The following CST3 variants were observed in gnomAD, a reference collection of about 807,000 sequenced individuals.
CST3 encodes cystatin C.
A neutral mutation model predicts 9.0 loss-of-function variants in CST3; 14 were observed. That is an observed-to-expected ratio of 1.56 (90% CI 1.03 to 2.44). The LOEUF is 2.44. Ranked by LOEUF, CST3 falls within the 30% of genes most tolerant of loss-of-function variation. The pLI is 0.00. For missense variants in CST3, 237 were observed against 204.3 expected, an observed-to-expected ratio of 1.16 and a Z score of -0.98; for synonymous variants, 96 against 90.2, an observed-to-expected ratio of 1.06 and a Z score of -0.37.
Position 23,633,898 on chromosome 20 carries a change from C to A in CST3, c.*18G>T. The A allele has an allele frequency of 6.2e-7, 1 of 1,610,718 alleles. No homozygotes were observed. The highest frequency in any genetic ancestry group is 8.5e-7 in the Non-Finnish European group (1 of 1,176,968). On this transcript the variant is annotated 3_prime_UTR_variant, in exon 3 of 3. Transcript: ENST00000376925. Reference sequence around the variant, plus strand: ...GTGCATAAGAGGTGATAGGCACAGGCCAGCCCGGTACAGACCCCTAGGCGT... The same window carrying A: ...GTGCATAAGAGGTGATAGGCACAGGACAGCCCGGTACAGACCCCTAGGCGT...
At chr20:23,635,205 CA>C (rs762991323) in intron 2 of CST3, 48 bp downstream of exon 2, 14 of 1,460,586 alleles carry the variant, frequency 9.6e-6, no homozygotes, top group Admixed American at 1.7e-5. Flanking sequence ...CACACACACA[CA>C]CCCCTCTGCA....
chr20:23,634,831 C>T (rs1979596304), intron 2 of CST3, among the ~76,000 whole-genome samples: 1 of 152,086 alleles, frequency 6.6e-6, no homozygotes, highest in South Asian at 2.1e-4. Flanking sequence ...TAACCTTCAC[C>T]CATACGGATC....
At chr20:23,634,810 T>G (rs941328456) in intron 2 of CST3, among the ~76,000 whole-genome samples, 4 of 152,048 alleles carry the variant, frequency 2.6e-5, no homozygotes, top group Non-Finnish European at 5.9e-5. Context: ...GGCATCTACA[T>G]GAACTCACCC....
At position 23,633,902 on chromosome 20, in the gene CST3, C is replaced by G; in HGVS notation, c.*14G>C. ...ATAAGAGGTGATAGGCACAGGCCAG[C>G]CCGGTACAGACCCCTAGGCGTCCTG... On this transcript the variant is annotated 3_prime_UTR_variant, in exon 3 of 3. Transcript: ENST00000376925. 1 of 1,611,912 alleles carries G rather than the reference C, an allele frequency of 6.2e-7. No homozygotes were observed. The highest frequency in any genetic ancestry group is 8.5e-7 in the Non-Finnish European group (1 of 1,178,036).
In CST3 at chr20:23,637,739, C is replaced by A. The variant is rs1366729949; in HGVS notation, c.124G>T (p.Ala42Ser). Residue 42 changes from alanine to serine, a missense_variant, in exon 1 of 3, where the codon GCC becomes TCC. Ala to Ser is a moderately conservative substitution (Grantham distance 99, BLOSUM62 1). Coordinates refer to ENST00000376925, the MANE Select transcript of CST3 (RefSeq NM_000099.4). ...PPRLVGGPMDASVEEEGVRRA... is the reference protein window; with the variant it reads ...PPRLVGGPMDSSVEEEGVRRA... The stretch of plus-strand genomic sequence containing the variant: ...CGCACACCCTCCTCCTCCACGCTGG[C>A]GTCCATGGGGCCTCCCACTAGGCGC... The A allele has an allele frequency of 6.5e-7, 1 of 1,540,194 alleles. No homozygotes were observed.
rs1214550838 is a variant in CST3 at position 23,633,850 on chromosome 20, T to C, written c.*66A>G. 5.9e-6 allele frequency: 8 copies of C among 1,355,702 alleles called. No individual in the cohort carries two copies. In the African/African-American group the frequency reaches 1.0e-4, roughly 17 times the overall value. 84.0% of individuals were successfully genotyped at this position (1,355,702 alleles called of 1,614,324 possible). A position where few individuals can be genotyped will look rare whatever the true frequency, so the allele number is the denominator to read the frequency against. ...AAGGCAGGGGCCACCAGTCCAGGGG[T>C]GGGAATACAGGGGGTGGGAGGTGTG... On this transcript the variant is annotated 3_prime_UTR_variant, in exon 3 of 3. Transcript: ENST00000376925.
At chr20:23,634,035 T>A in intron 2 of CST3, 36 bp from the exon 3 acceptor site, 1 of 1,572,894 alleles carries the variant, frequency 6.4e-7, no homozygotes, top group Non-Finnish European at 8.7e-7. Flanking sequence ...TCAGTGTGGG[T>A]TACAGTTCAA....
exon 4 of CST3, chr20:23,627,830 G>A (rs759013688): frequency 2.0e-5 from 3 of 151,992 alleles, no homozygotes; most frequent in South Asian, 2.1e-4. Context: ...TTGGAAAAAC[G>A]TTTATTCAAA....
chr20:23,637,866 C>T lies in CST3; in HGVS notation c.-4G>A, dbSNP rs1031902914. 124 of 1,353,266 alleles carry T rather than the reference C, an allele frequency of 9.2e-5. No homozygotes were observed. In the Admixed American group the frequency reaches 1.3e-3, roughly 14 times the overall value. 83.8% of individuals were successfully genotyped at this position (1,353,266 alleles called of 1,614,324 possible). A position where few individuals can be genotyped will look rare whatever the true frequency, so the allele number is the denominator to read the frequency against. The stretch of plus-strand genomic sequence containing the variant: ...GGGCGCGCAGGGGCCCGGCCATGGT[C>T]GGCTAGGACGCGGGACGCGGGGAGT... On this transcript the variant is annotated 5_prime_UTR_variant, in exon 1 of 3. Coordinates refer to ENST00000376925, the MANE Select transcript of CST3 (RefSeq NM_000099.4).
In CST3 at chr20:23,633,870, G is replaced by T; in HGVS notation, c.*46C>A. 1 of 1,476,950 alleles carries T rather than the reference G, an allele frequency of 6.8e-7. No homozygotes were observed. Among genetic ancestry groups the T allele is most frequent in the Non-Finnish European group, 9.5e-7 (1 of 1,055,486 alleles). The allele number at this position is 1,476,950 out of a possible 1,614,324, so 91.5% of individuals were successfully genotyped here. Reference sequence around the variant, plus strand: ...AGGGGTGGGAATACAGGGGGTGGGAGGTGTGCATAAGAGGTGATAGGCACA... The same window carrying T: ...AGGGGTGGGAATACAGGGGGTGGGATGTGTGCATAAGAGGTGATAGGCACA... On this transcript the variant is annotated 3_prime_UTR_variant, in exon 3 of 3. Coordinates refer to ENST00000376925, the MANE Select transcript of CST3 (RefSeq NM_000099.4).
chr20:23,636,117 C>A (rs1346659463), intron 1 of CST3, among the ~76,000 whole-genome samples: 3 of 152,102 alleles, frequency 2.0e-5, no homozygotes, highest in Non-Finnish European at 4.4e-5. Flanking sequence ...CAGGGCCCAA[C>A]GATCTACAAT....
chr20:23,637,077 G>A (rs1433748353), intron 1 of CST3, among the ~76,000 whole-genome samples: 1 of 152,220 alleles, frequency 6.6e-6, no homozygotes, highest in Non-Finnish European at 1.5e-5. Context: ...AGGGCAAAAT[G>A]TTAACATCTG....
At position 23,637,947 on chromosome 20, in the gene CST3, C is replaced by T. The variant is rs887014567; in HGVS notation, c.-85G>A. The stretch of plus-strand genomic sequence containing the variant: ...GAGAGGACCCGCTGCGATACCGAGG[C>T]GAGGCCGTGAGCCCCGCGAGGCCGG... On this transcript the variant is annotated 5_prime_UTR_variant, in exon 1 of 3. Coordinates refer to ENST00000376925, the MANE Select transcript of CST3 (RefSeq NM_000099.4). 6 of 1,239,118 alleles carry T rather than the reference C, an allele frequency of 4.8e-6. No homozygotes were observed. Among genetic ancestry groups the T allele is most frequent in the African/African-American group, 1.6e-5 (1 of 61,736 alleles). The allele number at this position is 1,239,118 out of a possible 1,614,324, so 76.8% of individuals were successfully genotyped here.
In CST3 at chr20:23,637,866, C is replaced by A; in HGVS notation, c.-4G>T. The stretch of plus-strand genomic sequence containing the variant: ...GGGCGCGCAGGGGCCCGGCCATGGT[C>A]GGCTAGGACGCGGGACGCGGGGAGT... On this transcript the variant is annotated 5_prime_UTR_variant, in exon 1 of 3. Transcript: ENST00000376925. 2 of 1,353,382 alleles carry A rather than the reference C, an allele frequency of 1.5e-6. No individual in the cohort carries two copies. The highest frequency in any genetic ancestry group is 3.4e-5 in the South Asian group (2 of 58,836). 83.8% of individuals were successfully genotyped at this position (1,353,382 alleles called of 1,614,324 possible). A position where few individuals can be genotyped will look rare whatever the true frequency, so the allele number is the denominator to read the frequency against.
At chr20:23,634,939 C>A (rs756962003) in intron 2 of CST3, among the ~76,000 whole-genome samples, 18 of 151,716 alleles carry the variant, frequency 1.2e-4, no homozygotes, top group Non-Finnish European at 2.6e-4. Flanking sequence ...TGTATGTTCA[C>A]AGAAACCCCC....
At chr20:23,634,041 T>C (rs1285180768) in intron 2 of CST3, 42 bp from the exon 3 acceptor site, 3 of 1,547,938 alleles carry the variant, frequency 1.9e-6, no homozygotes, top group Non-Finnish European at 1.8e-6. Context: ...TGGGTTACAG[T>C]TCAAAGCAGA....
chr20:23,628,486 C>G (rs1179053139), exon 4 of CST3: 1 of 152,172 alleles, frequency 6.6e-6, no homozygotes, highest in Non-Finnish European at 1.5e-5. Flanking sequence ...TTTCTGCAAG[C>G]TGGTCCTTGA....
chr20:23,634,444 A>T (rs1979580028), intron 2 of CST3, among the ~76,000 whole-genome samples: 1 of 152,152 alleles, frequency 6.6e-6, no homozygotes, highest in Non-Finnish European at 1.5e-5. Context: ...GGAGATGACA[A>T]GGAGAGTGTG....
At chr20:23,629,803 T>C (rs945578848), downstream of CST3, among the ~76,000 whole-genome samples, 13 of 152,236 alleles carry the variant, frequency 8.5e-5, no homozygotes. Flanking sequence ...CAAGGGCATT[T>C]CAAGGACAGA....
Sources: gnomAD v4.1 joint callset for allele counts (sites outside exome capture counted in the v4.1 genomes callset) on GRCh38, gnomAD v4.1.1 for gene constraint, MANE v1.5 for transcripts, NCBI Gene and HGNC (gene_info 2026-07-23, HGNC 2026-07-21) for gene names.